CREB5: variants seen among roughly 807,000 people sequenced by gnomAD.
The protein encoded by CREB5 is cyclic AMP-responsive element-binding protein 5.
CREB5 carries 19 observed loss-of-function variants against 57.1 expected under a neutral mutation model. The observed-to-expected ratio is 0.33, with a 90% CI of 0.23 to 0.49. CREB5 has a LOEUF of 0.49. Ranked by LOEUF, CREB5 falls within the 20% of genes least tolerant of loss-of-function variation. The pLI is 0.99. For synonymous variants in CREB5, 238 were observed against 238.3 expected (o/e 1.00, Z 0.01); for missense variants, 579 against 671.6 (o/e 0.86, Z 1.52).
At chr7:28,623,205 A>G (rs1476736497) in intron 5 of CREB5, among the ~76,000 whole-genome samples, 1 of 152,292 alleles carries the variant, frequency 6.6e-6, no homozygotes, top group Admixed American at 6.5e-5. Context: ...TTATAGGAGG[A>G]TGCATGGAAT....
At chr7:28,656,725 A>G (rs1234891045) in intron 5 of CREB5, among the ~76,000 whole-genome samples, 1 of 152,234 alleles carries the variant, frequency 6.6e-6, no homozygotes, top group Non-Finnish European at 1.5e-5. Context: ...ATCTCTGCTC[A>G]GTCAGCACTT....
intron 2 of CREB5, among the ~76,000 whole-genome samples, chr7:28,491,746 G>A (rs189903166): frequency 1.3e-4 from 20 of 152,266 alleles, no homozygotes; most frequent in African/African-American, 4.6e-4. Flanking sequence ...AGGTCTCCTG[G>A]GTTATTAGAA....
chr7:28,761,637 CT>C (rs1455737935), intron 7 of CREB5, among the ~76,000 whole-genome samples: 1 of 151,898 alleles, frequency 6.6e-6, no homozygotes, highest in Non-Finnish European at 1.5e-5. Flanking sequence ...GCTTTTTTGG[CT>C]GGAGCAAGTC....
At chr7:28,654,514 G>A (rs1017459096) in intron 5 of CREB5, among the ~76,000 whole-genome samples, 5 of 151,922 alleles carry the variant, frequency 3.3e-5, no homozygotes, top group African/African-American at 1.2e-4. Context: ...AGTAGGCAAG[G>A]GTAGGAGCCC....
At chr7:28,345,491 G>T (rs1157892093) in intron 1 of CREB5, among the ~76,000 whole-genome samples, 1 of 152,102 alleles carries the variant, frequency 6.6e-6, no homozygotes, top group Non-Finnish European at 1.5e-5. Context: ...ATGGGGATGG[G>T]GTGAATGGTG....
At chr7:28,558,171 C>T (rs772227684) in intron 4 of CREB5, among the ~76,000 whole-genome samples, 2 of 152,198 alleles carry the variant, frequency 1.3e-5, no homozygotes, top group African/African-American at 2.4e-5. Flanking sequence ...GACTAAGCCT[C>T]TCACTGAGTT....
chr7:28,772,641 T>G (rs1806390071), intron 7 of CREB5, among the ~76,000 whole-genome samples: 1 of 152,196 alleles, frequency 6.6e-6, no homozygotes, highest in South Asian at 2.1e-4. Context: ...ATTTTCAAGC[T>G]AAATGTAGTA....
At chr7:28,486,216 T>A (rs969658322) in intron 1 of CREB5, among the ~76,000 whole-genome samples, 6 of 152,158 alleles carry the variant, frequency 3.9e-5, no homozygotes, top group Admixed American at 3.3e-4. Context: ...CTGACAATGT[T>A]ATCTCAGGCA....
chr7:28,758,191 C>T (rs1361162505), intron 7 of CREB5, among the ~76,000 whole-genome samples: 2 of 152,172 alleles, frequency 1.3e-5, no homozygotes, highest in Non-Finnish European at 2.9e-5. Flanking sequence ...CTCAGGTAGA[C>T]CTACTAACGA....
chr7:28,581,406 A>G (rs1391557150), intron 5 of CREB5, among the ~76,000 whole-genome samples: 1 of 152,218 alleles, frequency 6.6e-6, no homozygotes, highest in Non-Finnish European at 1.5e-5. Flanking sequence ...TCACCAAGCC[A>G]TTAAAGAGAA....
At chr7:28,377,011 C>T (rs142287662) in intron 1 of CREB5, among the ~76,000 whole-genome samples, 1 of 152,326 alleles carries the variant, frequency 6.6e-6, no homozygotes, top group East Asian at 1.9e-4. Flanking sequence ...CCATCCCAGC[C>T]CATGCCCTCT....
chr7:28,439,511 C>A (rs1026040706), intron 1 of CREB5, among the ~76,000 whole-genome samples: 8 of 152,158 alleles, frequency 5.3e-5, no homozygotes, highest in African/African-American at 1.9e-4. Flanking sequence ...ACTAGGCATT[C>A]ATTTAATCCT....
chr7:28,306,613 T>A (rs1232153638), intron 1 of CREB5, among the ~76,000 whole-genome samples: 1 of 126,426 alleles, frequency 7.9e-6, no homozygotes, highest in Non-Finnish European at 1.6e-5. Flanking sequence ...CAGGCTGGAG[T>A]GCAGTGGCGG....
At chr7:28,473,181 G>T (rs1790900695) in intron 1 of CREB5, among the ~76,000 whole-genome samples, 1 of 152,060 alleles carries the variant, frequency 6.6e-6, no homozygotes, top group African/African-American at 2.4e-5. Context: ...AATTAGCCAG[G>T]TGCAGTGGTG....
intron 5 of CREB5, among the ~76,000 whole-genome samples, chr7:28,666,150 T>G: frequency 6.6e-6 from 1 of 152,236 alleles, no homozygotes; most frequent in East Asian, 1.9e-4. Flanking sequence ...GTTGTGAAGA[T>G]GAAACTTGCA....
intron 7 of CREB5, among the ~76,000 whole-genome samples, chr7:28,760,764 C>T (rs962677577): frequency 8.5e-5 from 13 of 152,120 alleles, no homozygotes; most frequent in African/African-American, 2.9e-4. Flanking sequence ...TAAAGCCTAC[C>T]TATGACTGGC....
At chr7:28,426,858 G>A (rs556998558) in intron 1 of CREB5, among the ~76,000 whole-genome samples, 19 of 152,272 alleles carry the variant, frequency 1.2e-4, no homozygotes, top group African/African-American at 4.3e-4. Flanking sequence ...CATCGAATTA[G>A]CATAGAGTAG....
intron 5 of CREB5, among the ~76,000 whole-genome samples, chr7:28,710,841 G>C (rs1283957775): frequency 6.6e-6 from 1 of 152,134 alleles, no homozygotes; most frequent in Admixed American, 6.5e-5. Context: ...ATTGATCTTT[G>C]ATGAGTGATT....
At chr7:28,540,816 G>A (rs1438582455) in intron 4 of CREB5, among the ~76,000 whole-genome samples, 6 of 152,144 alleles carry the variant, frequency 3.9e-5, no homozygotes, top group Admixed American at 6.5e-5. Flanking sequence ...AAGACACCTA[G>A]GGCGCTTTCA....
Sources: gnomAD v4.1 joint callset for allele counts (sites outside exome capture counted in the v4.1 genomes callset) on GRCh38, gnomAD v4.1.1 for gene constraint, MANE v1.5 for transcripts, NCBI Gene and HGNC (gene_info 2026-07-23, HGNC 2026-07-21) for gene names.